The following ATP5PF variants were observed in gnomAD, a reference collection of about 807,000 sequenced individuals.
ATP5PF encodes ATP synthase peripheral stalk subunit F6, also known as ATP synthase peripheral stalk subunit F6, mitochondrial.
A neutral mutation model predicts 12.0 loss-of-function variants in ATP5PF; 7 were observed. The ratio of observed to expected loss-of-function variants is 0.58; its 90% CI spans 0.33 to 1.10. The LOEUF is 1.10. ATP5PF is among the 50% of genes least tolerant of loss of function. ATP5PF has a pLI of 0.03. For missense variants in ATP5PF, 120 were observed against 127.7 expected (o/e 0.94, Z 0.29); for synonymous variants, 41 against 45.4 (o/e 0.90, Z 0.39).
At position 25,729,750 on chromosome 21, in the gene ATP5PF, T is replaced by C; in HGVS notation, c.45A>G (p.Ser15=). The change falls in exon 2 of 4, where the codon TCA becomes TCG. Residue 15 remains serine (S), a synonymous_variant. Transcript: ENST00000284971. ...TCCTCCGCAAATGGACTGAGACGGC[T>C]GACCGAATGACAGAGGAGAACCTGA... ...RLFRFSSVIR[S]AVSVHLRRNI... 9 of 1,613,942 alleles carry C rather than the reference T, an allele frequency of 5.6e-6. No individual in the cohort carries two copies. The highest frequency in any genetic ancestry group is 7.6e-6 in the Non-Finnish European group (9 of 1,180,002).
At position 25,725,368 on chromosome 21, in the gene ATP5PF, A is replaced by C; in HGVS notation, c.165-18T>G. On this transcript the variant is annotated intron_variant, in intron 2 of 3. Coordinates refer to ENST00000284971, the MANE Select transcript of ATP5PF (RefSeq NM_001003703.2). The stretch of plus-strand genomic sequence containing the variant: ...CAGATGTCCTGTTAAGTAAATGAGC[A>C]AACAAAAATTAATTTTGTGTACTAG... The C allele has an allele frequency of 6.4e-7, 1 of 1,559,524 alleles. No individual in the cohort carries two copies. Among genetic ancestry groups the C allele is most frequent in the Non-Finnish European group, 8.6e-7 (1 of 1,158,632 alleles).
chr21:25,735,168 C>G, upstream of ATP5PF: 3 of 617,384 alleles, frequency 4.9e-6, no homozygotes, highest in Admixed American at 7.9e-5. Flanking sequence ...GCTCTGTACG[C>G]ATGCGCTCTT....
At chr21:25,731,203 C>T (rs139141188) in intron 1 of ATP5PF, among the ~76,000 whole-genome samples, 3 of 152,082 alleles carry the variant, frequency 2.0e-5, no homozygotes, top group African/African-American at 4.8e-5. Flanking sequence ...GATCACACCA[C>T]TGCACTCCAG....
chr21:25,732,752 A>G (rs1267141332), intron 1 of ATP5PF, among the ~76,000 whole-genome samples: 1 of 152,086 alleles, frequency 6.6e-6, no homozygotes, highest in African/African-American at 2.4e-5. Flanking sequence ...TGGGAGGCCA[A>G]GGTGGGTGGA....
At chr21:25,734,545 T>A (rs2034937332) in intron 1 of ATP5PF, 1 of 467,602 alleles carries the variant, frequency 2.1e-6, no homozygotes, top group Admixed American at 4.9e-5. Flanking sequence ...GCCGAAAATC[T>A]CTCCCGCGCG....
intron 2 of ATP5PF, among the ~76,000 whole-genome samples, chr21:25,727,667 T>C (rs1466472482): frequency 1.3e-5 from 2 of 152,174 alleles, no homozygotes; most frequent in African/African-American, 2.4e-5. Context: ...AGGGTACACC[T>C]AAGAATTCAC....
At chr21:25,732,722 T>G (rs2123456266) in intron 1 of ATP5PF, among the ~76,000 whole-genome samples, 1 of 151,650 alleles carries the variant, frequency 6.6e-6, no homozygotes, top group South Asian at 2.1e-4. Context: ...TCCCAGCACT[T>G]TGTTGTAATC....
chr21:25,725,268 C>T lies in ATP5PF; in HGVS notation c.247G>A (p.Gly83Ser). The change falls in exon 3 of 4, where the codon GGT becomes AGT. Residue 83 changes from glycine (G) to serine (S), a missense_variant. Physicochemically the swap from Gly to Ser is moderately conservative, Grantham distance 56 (BLOSUM62 0). Transcript: ENST00000284971. ...RELFKLKQMF[G>S]NADMNTFPTF... Reference sequence around the variant, plus strand: ...GGAAATGTATTCATGTCTGCATTACCAAACATTTGCTTGAGCTTAAAAAGC... The same window carrying T: ...GGAAATGTATTCATGTCTGCATTACTAAACATTTGCTTGAGCTTAAAAAGC... The T allele has an allele frequency of 6.2e-7, 1 of 1,613,290 alleles. No individual in the cohort carries two copies. Among genetic ancestry groups the T allele is most frequent in the Non-Finnish European group, 8.5e-7 (1 of 1,179,904 alleles).
intron 1 of ATP5PF, among the ~76,000 whole-genome samples, chr21:25,730,942 T>C (rs1289556956): frequency 6.6e-6 from 1 of 151,980 alleles, no homozygotes; most frequent in East Asian, 1.9e-4. Context: ...ACAGGAATTC[T>C]AGAAGAAAAG....
chr21:25,732,809 C>A (rs1172763862), intron 1 of ATP5PF, among the ~76,000 whole-genome samples: 2 of 151,520 alleles, frequency 1.3e-5, no homozygotes, highest in Non-Finnish European at 2.9e-5. Context: ...CATGGAGAAA[C>A]CCCGTCTCTA....
At chr21:25,734,389 AT>A (rs2034925014) in intron 1 of ATP5PF, 1 of 992,094 alleles carries the variant, frequency 1.0e-6, no homozygotes, top group South Asian at 4.4e-5. Context: ...TGAACAATCC[AT>A]AAAGTCGCCT....
At chr21:25,732,900 T>C (rs1333879851) in intron 1 of ATP5PF, among the ~76,000 whole-genome samples, 1 of 136,860 alleles carries the variant, frequency 7.3e-6, no homozygotes, top group East Asian at 2.2e-4. Flanking sequence ...GGAGATTCCT[T>C]GAACCCAGGA....
At chr21:25,735,349 G>C (rs2035000663), upstream of ATP5PF, 1 of 227,788 alleles carries the variant, frequency 4.4e-6, no homozygotes, top group Non-Finnish European at 8.8e-6. Context: ...CGGTCGTTTT[G>C]CGCACCCTGC....
intron 2 of ATP5PF, among the ~76,000 whole-genome samples, chr21:25,729,062 G>A (rs966384028): frequency 1.3e-5 from 2 of 152,032 alleles, no homozygotes; most frequent in African/African-American, 4.8e-5. Context: ...TTCTACAATT[G>A]TTTTTCTTGG....
At chr21:25,729,829 G>T (rs371403516) in intron 1 of ATP5PF, 28 bp from the exon 2 acceptor site, 1 of 1,600,856 alleles carries the variant, frequency 6.2e-7, no homozygotes, top group South Asian at 1.1e-5. Context: ...CAGCAGAAAC[G>T]TTAATATACT....
At chr21:25,733,374 C>CA (rs1324422984) in intron 1 of ATP5PF, among the ~76,000 whole-genome samples, 2 of 151,696 alleles carry the variant, frequency 1.3e-5, no homozygotes, top group Non-Finnish European at 2.9e-5. Context: ...CTGAAAAATA[C>CA]AAAAAATTAG....
intron 2 of ATP5PF, among the ~76,000 whole-genome samples, chr21:25,728,852 A>G (rs775148253): frequency 7.1e-6 from 1 of 140,160 alleles, no homozygotes; most frequent in Non-Finnish European, 1.5e-5. Context: ...ATTTGCTTAG[A>G]AGCTTTCTAC....
chr21:25,732,044 CCACT>C (rs2034794721), intron 1 of ATP5PF, among the ~76,000 whole-genome samples: 1 of 152,178 alleles, frequency 6.6e-6, no homozygotes, highest in Admixed American at 6.5e-5. Flanking sequence ...TGGCCCTTTA[CCACT>C]CAGAGTTTGA....
rs780535936 is a variant in ATP5PF at position 25,725,188 on chromosome 21, TC to T, written c.289+37del. The T allele has an allele frequency of 2.1e-5, 34 of 1,581,538 alleles. No homozygotes were observed. The South Asian group carries it at 4.0e-4, about 19-fold the overall frequency. On this transcript the variant is annotated intron_variant, in intron 3 of 3. Transcript: ENST00000284971. ...GGTAAGTGTAAATATTCTTCACTTA[TC>T]CCCCACAAGAATGAATCTGTGATTT... is the stretch of plus-strand genomic sequence containing the variant.
Sources: gnomAD v4.1 joint callset for allele counts (sites outside exome capture counted in the v4.1 genomes callset) on GRCh38, gnomAD v4.1.1 for gene constraint, MANE v1.5 for transcripts, NCBI Gene and HGNC (gene_info 2026-07-23, HGNC 2026-07-21) for gene names.